The following ARSB variants were observed in gnomAD, a reference collection of about 807,000 sequenced individuals.
ARSB encodes the protein arylsulfatase B.
A neutral mutation model predicts 50.9 loss-of-function variants in ARSB; 41 were observed. That is an observed-to-expected ratio of 0.81 (90% CI 0.63 to 1.04). The LOEUF is 1.04. ARSB is among the 50% of genes least tolerant of loss of function. ARSB has a pLI of 0.00. For missense variants in ARSB, 672 were observed against 693.3 expected (o/e 0.97, Z 0.35); for synonymous variants, 269 against 284.8 (o/e 0.94, Z 0.56).
intron 5 of ARSB, among the ~76,000 whole-genome samples, chr5:78,866,875 A>T (rs1746781231): frequency 6.6e-6 from 1 of 152,192 alleles, no homozygotes; most frequent in South Asian, 2.1e-4. Context: ...GACGCAGAAG[A>T]CGGGTGATTT....
intron 6 of ARSB, among the ~76,000 whole-genome samples, chr5:78,830,611 C>G (rs1354374029): frequency 6.6e-6 from 1 of 152,158 alleles, no homozygotes; most frequent in Non-Finnish European, 1.5e-5. Context: ...ATGCGTGCTC[C>G]TTGAGATGTG....
chr5:78,839,542 T>C, intron 5 of ARSB, 116 bp from the exon 6 acceptor site: 2 of 944,966 alleles, frequency 2.1e-6, no homozygotes, highest in Non-Finnish European at 3.3e-6. Context: ...TTAACAACTC[T>C]GTCATGAATT....
At chr5:78,974,842 C>T (rs1752597412) in intron 1 of ARSB, among the ~76,000 whole-genome samples, 1 of 152,236 alleles carries the variant, frequency 6.6e-6, no homozygotes, top group Admixed American at 6.5e-5. Context: ...CTGGCTTTAG[C>T]AAACCCATGA....
rs148086410 is a variant in ARSB at position 78,970,383 on chromosome 5, T to C, written c.313-1191A>G. On this transcript the variant is annotated intron_variant, in intron 1 of 7. Transcript: ENST00000264914. Reference sequence around the variant, plus strand: ...TGAAAAATAGAGCTTTTTTCATAAGTTATTTATGTTAATATAGTGGGTTTA... The same window carrying C: ...TGAAAAATAGAGCTTTTTTCATAAGCTATTTATGTTAATATAGTGGGTTTA... Among the ~76,000 whole-genome samples the C allele has an allele frequency of 5.8e-4, 88 of 152,312 alleles. 1 individual carries two copies. The highest frequency in any genetic ancestry group is 2.1e-3 in the African/African-American group (86 of 41,582).
At chr5:78,974,005 A>G (rs1300106537) in intron 1 of ARSB, among the ~76,000 whole-genome samples, 1 of 152,210 alleles carries the variant, frequency 6.6e-6, no homozygotes, top group Non-Finnish European at 1.5e-5. Context: ...CAATCACAGA[A>G]CATGCTGGTG....
chr5:78,919,053 T>G (rs980307944), intron 4 of ARSB, among the ~76,000 whole-genome samples: 2 of 152,174 alleles, frequency 1.3e-5, no homozygotes, highest in African/African-American at 2.4e-5. Context: ...TTGGCTACAA[T>G]TTCAATACAG....
At chr5:78,967,190 G>A (rs3797551) in intron 2 of ARSB, among the ~76,000 whole-genome samples, 45,720 of 151,910 alleles carry the variant, frequency 0.3, 7,493 homozygotes, top group Non-Finnish European at 0.37. Flanking sequence ...ACCACCTAAC[G>A]TATTATTAAA....
intron 6 of ARSB, among the ~76,000 whole-genome samples, chr5:78,787,138 A>ATCT (rs3035252): frequency 8.9e-6 from 1 of 112,182 alleles, no homozygotes; most frequent in Non-Finnish European, 1.9e-5. Flanking sequence ...ATCTATCTAT[A>ATCT]TAGATACAGG....
intron 5 of ARSB, among the ~76,000 whole-genome samples, chr5:78,878,328 T>C (rs1747583818): frequency 1.3e-5 from 2 of 152,166 alleles, no homozygotes; most frequent in African/African-American, 4.8e-5. Context: ...GACAGGCCGA[T>C]AACCATTTCT....
At chr5:78,829,466 C>A (rs1470936924) in intron 6 of ARSB, among the ~76,000 whole-genome samples, 1 of 152,166 alleles carries the variant, frequency 6.6e-6, no homozygotes, top group South Asian at 2.1e-4. Flanking sequence ...TATCACTTAT[C>A]ATTTGTTCTA....
chr5:78,941,000 A>G (rs1178553228), intron 4 of ARSB, among the ~76,000 whole-genome samples: 1 of 151,578 alleles, frequency 6.6e-6, no homozygotes, highest in East Asian at 1.9e-4. Context: ...GGTCCTTCAC[A>G]TCCCTTGTAA....
chr5:78,867,997 G>A (rs370959622), intron 5 of ARSB, among the ~76,000 whole-genome samples: 4 of 127,490 alleles, frequency 3.1e-5, no homozygotes, highest in Non-Finnish European at 4.9e-5. Flanking sequence ...ACCAAGGCTC[G>A]AGAACTACGT....
At chr5:78,854,495 T>C (rs903131845) in intron 5 of ARSB, among the ~76,000 whole-genome samples, 1 of 152,272 alleles carries the variant, frequency 6.6e-6, no homozygotes, top group Non-Finnish European at 1.5e-5. Context: ...CATTGACCAT[T>C]CAGGAACGTG....
At chr5:78,822,619 T>C (rs1202416209) in intron 6 of ARSB, among the ~76,000 whole-genome samples, 2 of 152,174 alleles carry the variant, frequency 1.3e-5, no homozygotes, top group Admixed American at 1.3e-4. Flanking sequence ...GGTATTCTCT[T>C]TCTAATCCTG....
chr5:78,963,587 T>G (rs1374379348), intron 3 of ARSB, among the ~76,000 whole-genome samples: 2 of 152,144 alleles, frequency 1.3e-5, no homozygotes, highest in African/African-American at 4.8e-5. Flanking sequence ...TCAAAAGCAT[T>G]TATAAGCTAA....
intron 4 of ARSB, among the ~76,000 whole-genome samples, chr5:78,889,603 T>C (rs180845198): frequency 4.6e-5 from 7 of 152,340 alleles, no homozygotes; most frequent in Admixed American, 2.0e-4. Flanking sequence ...CATTATCATA[T>C]ACAGACCGTA....
At chr5:78,864,422 C>A (rs1326255086) in intron 5 of ARSB, among the ~76,000 whole-genome samples, 3 of 152,152 alleles carry the variant, frequency 2.0e-5, no homozygotes, top group African/African-American at 7.2e-5. Flanking sequence ...TTATTCACTA[C>A]CACGAGAACA....
chr5:78,822,314 A>C (rs1744262998), intron 6 of ARSB, among the ~76,000 whole-genome samples: 1 of 152,160 alleles, frequency 6.6e-6, no homozygotes, highest in Admixed American at 6.5e-5. Context: ...CTTTATCAAG[A>C]CACTCTAGTT....
intron 4 of ARSB, among the ~76,000 whole-genome samples, chr5:78,943,090 C>G (rs1431282318): frequency 1.3e-5 from 2 of 152,190 alleles, no homozygotes; most frequent in Admixed American, 6.5e-5. Flanking sequence ...TTATCAGAGA[C>G]TAGGATTGCA....
Sources: gnomAD v4.1 joint callset for allele counts (sites outside exome capture counted in the v4.1 genomes callset) on GRCh38, gnomAD v4.1.1 for gene constraint, MANE v1.5 for transcripts, NCBI Gene and HGNC (gene_info 2026-07-23, HGNC 2026-07-21) for gene names.